Variants in OC90 observed in about 807,000 individuals in gnomAD.
OC90 encodes the protein otoconin 90, also known as otoconin-90.
In OC90, 46 loss-of-function variants were observed where a neutral mutation model predicts 47.3. That is an observed-to-expected ratio of 0.97 (90% CI 0.77 to 1.24). The LOEUF (loss-of-function observed/expected upper bound fraction) is 1.24. OC90 is among the 50% of genes most tolerant of loss of function. The probability of loss-of-function intolerance (pLI) is 0.00; values close to 1 mark genes in which losing one functional copy is unlikely to be tolerated. For synonymous variants in OC90, 271 were observed against 219.5 expected, an observed-to-expected ratio of 1.23 and a Z score of -2.07; for missense variants, 688 against 583.9, an observed-to-expected ratio of 1.18 and a Z score of -1.84.
rs1228267498 is a variant in OC90 at position 132,045,829 on chromosome 8, G to C, written c.101C>G (p.Pro34Arg). The change falls in exon 3 of 14, where the codon CCA (proline) becomes CGA (arginine). Residue 34 changes from proline to arginine, a missense_variant. Transcript: ENST00000254627. Reference sequence around the variant, plus strand: ...CTAAGAATCCTTACTGATATTGTTTGGGAGTCCTGGAGGCAGCTCCTGTGG... The same window carrying C: ...CTAAGAATCCTTACTGATATTGTTTCGGAGTCCTGGAGGCAGCTCCTGTGG... The part of the protein sequence containing the change: ...HLPQELPPGL[P>R]NNINITFFSG... 2 of 1,537,916 alleles carry C rather than the reference G, an allele frequency of 1.3e-6. No homozygotes were observed. The highest frequency in any genetic ancestry group is 3.9e-5 in the Admixed American group (2 of 50,994).
chr8:132,058,895 A>G (rs1266794180), intron 1 of OC90, among the ~76,000 whole-genome samples: 1 of 152,084 alleles, frequency 6.6e-6, no homozygotes, highest in Admixed American at 6.5e-5. Flanking sequence ...ATCTTTTCAC[A>G]GATCGACTCA....
chr8:132,049,485 G>A (rs1823184229), intron 2 of OC90, among the ~76,000 whole-genome samples: 1 of 152,196 alleles, frequency 6.6e-6, no homozygotes, highest in South Asian at 2.1e-4. Flanking sequence ...CAGGGTGTAT[G>A]AATGCATAAC....
chr8:132,044,518 G>A (rs1016757626), intron 3 of OC90, 29 bp from the exon 4 acceptor site: 2 of 1,341,068 alleles, frequency 1.5e-6, no homozygotes, highest in South Asian at 1.3e-5. Flanking sequence ...ACAAATGAGA[G>A]TCTTGGTTTT....
chr8:132,044,180 C>T (rs1823099142), intron 4 of OC90, among the ~76,000 whole-genome samples: 1 of 152,140 alleles, frequency 6.6e-6, no homozygotes, highest in Non-Finnish European at 1.5e-5. Flanking sequence ...AATGGGGATA[C>T]CATTCCCTTC....
At chr8:132,028,535 A>AAAGAAAGAAAGAAAGAAAG (rs1822798416) in intron 13 of OC90, among the ~76,000 whole-genome samples, 1 of 17,432 alleles carries the variant, frequency 5.7e-5, no homozygotes, top group African/African-American at 1.3e-4. Flanking sequence ...GAAAAGAAAG[A>AAAGAAAGAAAGAAAGAAAG]AAGAAAGAAA....
Position 132,032,803 on chromosome 8 carries a change from CAG to C in OC90, c.859+234_859+235del, listed in dbSNP as rs543422549. 4.9e-3 allele frequency among the ~76,000 whole-genome samples: 747 copies of C among 152,310 alleles called. 11 individuals carry two copies. The highest frequency in any genetic ancestry group is 0.017 in the African/African-American group (722 of 41,560). ...AGTAAAAGTGGTGGCAGCACAAGGTCAGGGGCTCAGAAGACAGTGGCTCCTCC... is the reference window on the plus strand; with the variant it reads ...AGTAAAAGTGGTGGCAGCACAAGGTCGGGCTCAGAAGACAGTGGCTCCTCC... On this transcript the variant is annotated intron_variant, in intron 11 of 13. Coordinates refer to ENST00000254627, the MANE Select transcript of OC90 (RefSeq NM_001080399.3).
chr8:132,041,041 T>C lies in OC90; in HGVS notation c.457+3A>G. On this transcript the variant is annotated splice_donor_region_variant and intron_variant, in intron 6 of 13. Coordinates refer to ENST00000254627, the MANE Select transcript of OC90 (RefSeq NM_001080399.3). Reference sequence around the variant, plus strand: ...GGCCCCTGGGACACCTGGAGATGCTTACCACATATGATCTTCTTGCTGACA... The same window carrying C: ...GGCCCCTGGGACACCTGGAGATGCTCACCACATATGATCTTCTTGCTGACA... 4 of 1,552,046 alleles carry C rather than the reference T, an allele frequency of 2.6e-6. No individual in the cohort carries two copies. Among genetic ancestry groups the C allele is most frequent in the Non-Finnish European group, 2.7e-6 (3 of 1,123,362 alleles).
chr8:132,037,507 C>A lies in OC90; in HGVS notation c.629-19G>T. The A allele has an allele frequency of 6.4e-7, 1 of 1,566,940 alleles. No homozygotes were observed. The highest frequency in any genetic ancestry group is 8.7e-7 in the Non-Finnish European group (1 of 1,154,466). Reference sequence around the variant, plus strand: ...GGAACCACTGGAAAAAGAGAGTTCCCAATAGCAGTGACTCATGCAACACAG... The same window carrying A: ...GGAACCACTGGAAAAAGAGAGTTCCAAATAGCAGTGACTCATGCAACACAG... On this transcript the variant is annotated intron_variant, in intron 8 of 13. Coordinates refer to ENST00000254627, the MANE Select transcript of OC90 (RefSeq NM_001080399.3).
At chr8:132,028,654 GAAA>G (rs1822810678) in intron 13 of OC90, among the ~76,000 whole-genome samples, 1 of 118,600 alleles carries the variant, frequency 8.4e-6, no homozygotes, top group South Asian at 2.8e-4. Context: ...AAGGAAGGAA[GAAA>G]GAAAGAAAGA....
chr8:132,039,072 A>G lies in OC90; in HGVS notation c.509T>C (p.Ile170Thr). ...HLLCTCDKAA[I>T]ECLARSSLNS... ...GAGGCTGGATCGAGCCAAGCACTCT[A>G]TGGCAGCCTTATCACAGGTACACAG... The change falls in exon 7 of 14, where the codon ATA (isoleucine) becomes ACA (threonine). Residue 170 changes from isoleucine (I) to threonine (T), a missense_variant. Physicochemically the swap from Ile to Thr is moderately conservative, Grantham distance 89 (BLOSUM62 -1). Transcript: ENST00000254627. The G allele has an allele frequency of 6.2e-7, 1 of 1,613,628 alleles. No homozygotes were observed.
intron 13 of OC90, among the ~76,000 whole-genome samples, chr8:132,025,843 C>G (rs1822749450): frequency 1.3e-5 from 2 of 152,328 alleles, no homozygotes; most frequent in South Asian, 2.1e-4. Flanking sequence ...CACTGCTGGA[C>G]AGAGAACCCT....
At chr8:132,058,005 G>A (rs1376983819) in intron 1 of OC90, among the ~76,000 whole-genome samples, 1 of 152,234 alleles carries the variant, frequency 6.6e-6, no homozygotes, top group African/African-American at 2.4e-5. Flanking sequence ...ATGACTCACT[G>A]CGTAACTGTC....
At position 132,024,303 on chromosome 8, in the gene OC90, T is replaced by G. The variant is rs1822720728; in HGVS notation, c.*178A>C. The G allele has an allele frequency of 1.1e-5, 6 of 542,824 alleles. No individual in the cohort carries two copies. In the Admixed American group the frequency reaches 1.6e-4, roughly 14 times the overall value. The allele number at this position is 542,824 out of a possible 1,614,324, so 33.6% of individuals were successfully genotyped here. On this transcript the variant is annotated 3_prime_UTR_variant, in exon 14 of 14. Transcript: ENST00000254627. ...GTGCCTTCTCCAAGTGTACATTGGC[T>G]TGTGAGGTGACCACAGCTGATGAGG...
rs778184582 is a variant in OC90, at chr8:132,032,030, C to T, written c.882G>A (p.Leu294=). ...GCATGTTGTCCCCACTTCCCAGGTGCAGGAAGGTGAATCTGTCACAGGCTG... is the reference window on the plus strand; with the variant it reads ...GCATGTTGTCCCCACTTCCCAGGTGTAGGAAGGTGAATCTGTCACAGGCTG... ...TEKACDRFTF[L]HLGSGDNMQV... is the part of the protein sequence containing the mutation. Residue 294 remains leucine, a synonymous_variant, in exon 12 of 14, where the codon CTG becomes CTA. Transcript: ENST00000254627. The T allele has an allele frequency of 2.0e-5, 33 of 1,613,704 alleles. No individual in the cohort carries two copies. Among genetic ancestry groups the T allele is most frequent in the Non-Finnish European group, 2.6e-5 (31 of 1,179,812 alleles).
Position 132,032,021 on chromosome 8 carries a change from T to G in OC90, c.891A>C (p.Gly297=). 1 of 1,613,912 alleles carries G rather than the reference T, an allele frequency of 6.2e-7. No homozygotes were observed. Among genetic ancestry groups the G allele is most frequent in the South Asian group, 1.1e-5 (1 of 91,072 alleles). Residue 297 remains glycine (G), a synonymous_variant, in exon 12 of 14, where the codon GGA becomes GGC. Coordinates refer to ENST00000254627, the MANE Select transcript of OC90 (RefSeq NM_001080399.3). ...GCATCACCTGCATGTTGTCCCCACT[T>G]CCCAGGTGCAGGAAGGTGAATCTGT... The part of the protein sequence containing the change: ...ACDRFTFLHL[G]SGDNMQVMPQ...
chr8:132,033,951 C>A (rs1257884240), intron 10 of OC90, among the ~76,000 whole-genome samples: 1 of 152,212 alleles, frequency 6.6e-6, no homozygotes, highest in Non-Finnish European at 1.5e-5. Flanking sequence ...TTCCCCAAAT[C>A]CACCATATTG....
Position 132,026,382 on chromosome 8 carries a change from A to G in OC90, c.1139-1606T>C, listed in dbSNP as rs184275208. ...CCACAGAGGCCTTCCAAGCCTCCTAACTTGGTCTCCACGTCAGCCCCAGAC... is the reference window on the plus strand; with the variant it reads ...CCACAGAGGCCTTCCAAGCCTCCTAGCTTGGTCTCCACGTCAGCCCCAGAC... On this transcript the variant is annotated intron_variant, in intron 13 of 13. Coordinates refer to ENST00000254627, the MANE Select transcript of OC90 (RefSeq NM_001080399.3). Among the ~76,000 whole-genome samples, 4 of 152,296 alleles carry G rather than the reference A, an allele frequency of 2.6e-5. No homozygotes were observed. In the East Asian group the frequency reaches 7.7e-4, roughly 29 times the overall value.
chr8:132,044,081 T>G (rs1315549893), intron 4 of OC90, among the ~76,000 whole-genome samples: 1 of 152,208 alleles, frequency 6.6e-6, no homozygotes, highest in Non-Finnish European at 1.5e-5. Flanking sequence ...AGGACTAAGC[T>G]CTAGATTCCA....
chr8:132,051,233 C>G (rs1823209033), intron 2 of OC90, among the ~76,000 whole-genome samples: 1 of 152,128 alleles, frequency 6.6e-6, no homozygotes, highest in South Asian at 2.1e-4. Flanking sequence ...CACTGTTATC[C>G]CTCTTCTGGC....
Sources: allele counts gnomAD v4.1 joint callset (sites outside exome capture counted in the v4.1 genomes callset), GRCh38; gene constraint gnomAD v4.1.1; transcripts MANE v1.5; gene names NCBI Gene and HGNC (gene_info 2026-07-23, HGNC 2026-07-21).